GARNL3: variants seen among roughly 807,000 people sequenced by gnomAD.
GARNL3 encodes GTPase activating Rap/RanGAP domain like 3.
In GARNL3, 63 loss-of-function variants were observed where a neutral mutation model predicts 125.0. The ratio of observed to expected loss-of-function variants is 0.50; its 90% CI spans 0.41 to 0.62. The LOEUF (loss-of-function observed/expected upper bound fraction) is 0.62. Ranked by LOEUF, GARNL3 falls within the 20% of genes least tolerant of loss-of-function variation. The pLI, the probability that GARNL3 is intolerant of heterozygous loss-of-function variation, is 0.00. For missense variants in GARNL3, 994 were observed against 1,244.0 expected, an observed-to-expected ratio of 0.80 and a Z score of 3.02; for synonymous variants, 439 against 457.5, an observed-to-expected ratio of 0.96 and a Z score of 0.52.
upstream of GARNL3, chr9:127,263,950 A>G (rs765260832): frequency 3.9e-4 from 593 of 1,524,196 alleles, 1 homozygote; most frequent in Non-Finnish European, 4.7e-4. Context: ...ATGTGCCAAG[A>G]GGGCTGTAAT....
chr9:127,318,781 T>C (rs2065312603), intron 5 of GARNL3, among the ~76,000 whole-genome samples: 1 of 152,196 alleles, frequency 6.6e-6, no homozygotes, highest in South Asian at 2.1e-4. Flanking sequence ...ATCATAGCTA[T>C]GGTAGCTTCT....
At chr9:127,243,184 C>T (rs2063233539) in exon 2 of GARNL3, 2 of 1,366,452 alleles carry the variant, frequency 1.5e-6, no homozygotes, top group Non-Finnish European at 2.0e-6. Flanking sequence ...CGTCTCTCTC[C>T]TTCGGCATCC....
At chr9:127,321,809 C>CT (rs2065413443) in intron 6 of GARNL3, among the ~76,000 whole-genome samples, 1 of 152,170 alleles carries the variant, frequency 6.6e-6, no homozygotes, top group Non-Finnish European at 1.5e-5. Flanking sequence ...ATCCAGGAGG[C>CT]AGCAGGGAGC....
chr9:127,358,472 C>G (rs1588926221), intron 21 of GARNL3, among the ~76,000 whole-genome samples: 1 of 152,250 alleles, frequency 6.6e-6, no homozygotes, highest in Non-Finnish European at 1.5e-5. Context: ...ATCAAACAGA[C>G]TGCAGAATTC....
upstream of GARNL3, chr9:127,264,542 G>C: frequency 3.0e-6 from 3 of 1,009,170 alleles, no homozygotes; most frequent in Non-Finnish European, 3.5e-6. Flanking sequence ...GGGACAAAGA[G>C]CTCTCTTAAA....
intron 1 of GARNL3, among the ~76,000 whole-genome samples, chr9:127,273,275 C>G (rs1243460295): frequency 6.6e-6 from 1 of 152,200 alleles, no homozygotes; most frequent in Non-Finnish European, 1.5e-5. Flanking sequence ...CGCTTAATCT[C>G]TTCGCCTGCA....
rs374111836 is a variant in GARNL3, at chr9:127,371,695, T to C, written c.2161+6329T>C. On this transcript the variant is annotated intron_variant, in intron 22 of 27. Coordinates refer to ENST00000373387, the MANE Select transcript of GARNL3 (RefSeq NM_032293.5). ...GTTTTTGGTTTCATAATGACAAATA[T>C]ATTTTAAATGTTTTTTAATCAAGTG... Among the ~76,000 whole-genome samples, 6 of 152,250 alleles carry C rather than the reference T, an allele frequency of 3.9e-5. No individual in the cohort carries two copies. In the South Asian group the frequency reaches 1.0e-3, roughly 26 times the overall value.
chr9:127,393,059 C>G (rs1201630080), intron 27 of GARNL3, 24 bp from the exon 28 acceptor site: 1 of 1,575,364 alleles, frequency 6.3e-7, no homozygotes, highest in Non-Finnish European at 8.7e-7. Context: ...CAAAGATCCT[C>G]TTACAGTGAC....
chr9:127,343,580 T>A (rs537913802), intron 14 of GARNL3, among the ~76,000 whole-genome samples: 1 of 152,344 alleles, frequency 6.6e-6, no homozygotes, highest in Admixed American at 6.5e-5. Context: ...GGATAGAGAC[T>A]ATGTCTATCA....
At chr9:127,371,765 C>T (rs2131754872) in intron 22 of GARNL3, among the ~76,000 whole-genome samples, 1 of 152,106 alleles carries the variant, frequency 6.6e-6, no homozygotes, top group East Asian at 1.9e-4. Flanking sequence ...ATTTTGTTAT[C>T]ACATATAATT....
intron 9 of GARNL3, among the ~76,000 whole-genome samples, chr9:127,334,877 G>T (rs952974160): frequency 1.3e-5 from 2 of 152,144 alleles, no homozygotes; most frequent in East Asian, 3.8e-4. Context: ...ACTTCCTTTT[G>T]GCTTATGGAC....
chr9:127,358,524 T>C (rs1333507190), intron 21 of GARNL3, among the ~76,000 whole-genome samples: 1 of 144,708 alleles, frequency 6.9e-6, no homozygotes, highest in Admixed American at 6.7e-5. Context: ...GTAAATATGC[T>C]CTGTATAAAT....
At chr9:127,245,094 G>A (rs375011367) in intron 2 of GARNL3, among the ~76,000 whole-genome samples, 2 of 152,334 alleles carry the variant, frequency 1.3e-5, no homozygotes, top group African/African-American at 2.4e-5. Context: ...TGTGTCCGGG[G>A]CGGGGGGTTG....
chr9:127,274,201 T>A (rs1474447152), intron 1 of GARNL3, among the ~76,000 whole-genome samples: 1 of 152,236 alleles, frequency 6.6e-6, no homozygotes, highest in Admixed American at 6.5e-5. Context: ...TGATACAGTA[T>A]GATTTTATGA....
At chr9:127,250,097 G>T (rs2063374112) in intron 2 of GARNL3, among the ~76,000 whole-genome samples, 1 of 152,194 alleles carries the variant, frequency 6.6e-6, no homozygotes, top group Non-Finnish European at 1.5e-5. Flanking sequence ...GTGGGATTGT[G>T]TGTAGTGTGC....
chr9:127,314,244 C>T (rs777358485), intron 4 of GARNL3, among the ~76,000 whole-genome samples: 3 of 152,172 alleles, frequency 2.0e-5, no homozygotes, highest in Admixed American at 6.5e-5. Context: ...GAGGCAGGAC[C>T]ATTGCCATAG....
In GARNL3 at chr9:127,239,090, C is replaced by G. The variant is rs1457342903; in HGVS notation, c.-28-3989C>G. Among the ~76,000 whole-genome samples the G allele has an allele frequency of 2.6e-5, 4 of 152,326 alleles. 1 individual carries two copies. In the East Asian group the frequency reaches 5.8e-4, roughly 22 times the overall value. ...CTGTTCCTGTGCTGTATCTGACCCC[C>G]CTGGCAGGGCTTCCCTTGAATTTCC... On this transcript the variant is annotated intron_variant, in intron 1 of 10. Coordinates refer to the GARNL3 transcript ENST00000439286.
At chr9:127,353,492 T>G (rs1178957646) in intron 17 of GARNL3, 1 of 172,770 alleles carries the variant, frequency 5.8e-6, no homozygotes, top group Non-Finnish European at 1.2e-5. Context: ...TTTTTTTTTT[T>G]TTTTTAACTT....
At chr9:127,351,297 A>G (rs1376704056) in intron 17 of GARNL3, among the ~76,000 whole-genome samples, 2 of 152,196 alleles carry the variant, frequency 1.3e-5, no homozygotes, top group Admixed American at 1.3e-4. Context: ...TTTAATGGAA[A>G]TGTCAGATGT....
Sources: allele counts gnomAD v4.1 joint callset (sites outside exome capture counted in the v4.1 genomes callset), GRCh38; gene constraint gnomAD v4.1.1; transcripts MANE v1.5; gene names NCBI Gene and HGNC (gene_info 2026-07-23, HGNC 2026-07-21).